The following FNBP1 variants were observed in gnomAD, a reference collection of about 807,000 sequenced individuals.
The protein encoded by FNBP1 is formin binding protein 1, also known as formin-binding protein 1.
FNBP1 carries 26 observed loss-of-function variants against 90.6 expected under a neutral mutation model. The ratio of observed to expected loss-of-function variants is 0.29; its 90% CI spans 0.21 to 0.40. The LOEUF is 0.40. Among genes scored for constraint, FNBP1 ranks in the 10% least tolerant of loss-of-function variants. The pLI is 1.00. For synonymous variants in FNBP1, 260 were observed against 265.2 expected (o/e 0.98, Z 0.19); for missense variants, 635 against 768.0 (o/e 0.83, Z 2.05).
intron 2 of FNBP1, among the ~76,000 whole-genome samples, chr9:129,992,692 T>TAC (rs2053376655): frequency 6.6e-6 from 1 of 150,966 alleles, no homozygotes; most frequent in African/African-American, 2.4e-5. Context: ...TAGCTGGGAT[T>TAC]ACAGGCACCC....
At chr9:130,032,761 A>T (rs1365257602) in intron 1 of FNBP1, among the ~76,000 whole-genome samples, 1 of 152,118 alleles carries the variant, frequency 6.6e-6, no homozygotes, top group African/African-American at 2.4e-5. Context: ...TTAAAGTGGT[A>T]ATAATAGCCA....
At position 129,953,068 on chromosome 9, in the gene FNBP1, A is replaced by G. The variant is rs554145186; in HGVS notation, c.513+4292T>C. ...GCCTAATAAAAATACTAGAGAATAC[A>G]TATTATTTTCAATTACTTACAGAAT... On this transcript the variant is annotated intron_variant, in intron 6 of 16. Coordinates refer to ENST00000446176, the MANE Select transcript of FNBP1 (RefSeq NM_015033.3). Among the ~76,000 whole-genome samples, 7 of 152,366 alleles carry G rather than the reference A, an allele frequency of 4.6e-5. No homozygotes were observed. The South Asian group carries it at 1.0e-3, about 23-fold the overall frequency.
chr9:129,932,445 T>C (rs1328204223), intron 6 of FNBP1, among the ~76,000 whole-genome samples: 4 of 152,160 alleles, frequency 2.6e-5, no homozygotes, highest in Non-Finnish European at 4.4e-5. Flanking sequence ...AACCTGAATT[T>C]CACTTCACAC....
At chr9:129,984,927 T>G (rs1004848618) in intron 2 of FNBP1, among the ~76,000 whole-genome samples, 5 of 152,114 alleles carry the variant, frequency 3.3e-5, no homozygotes, top group African/African-American at 1.2e-4. Flanking sequence ...CAAATTAAAC[T>G]TCTTTTTCTT....
At chr9:129,903,068 T>C (rs1343158113) in intron 12 of FNBP1, 67 bp from the exon 13 acceptor site, 4 of 1,471,434 alleles carry the variant, frequency 2.7e-6, no homozygotes, top group South Asian at 1.2e-5. Context: ...GTTTCACTCT[T>C]GTCACCCAGG....
At chr9:130,004,923 A>C (rs1286475805) in intron 1 of FNBP1, among the ~76,000 whole-genome samples, 1 of 151,984 alleles carries the variant, frequency 6.6e-6, no homozygotes, top group Non-Finnish European at 1.5e-5. Context: ...AAAATTAGCC[A>C]TGCATGGTGG....
intron 10 of FNBP1, among the ~76,000 whole-genome samples, chr9:129,920,154 C>T (rs368789899): frequency 1.0e-3 from 158 of 152,220 alleles, no homozygotes; most frequent in African/African-American, 3.6e-3. Flanking sequence ...ATAAACACAT[C>T]ATTTGGGAAA....
intron 10 of FNBP1, among the ~76,000 whole-genome samples, chr9:129,922,534 G>A (rs1012579959): frequency 6.6e-5 from 10 of 152,182 alleles, no homozygotes; most frequent in Non-Finnish European, 1.0e-4. Flanking sequence ...GTACTACCTG[G>A]GCTTCATAGG....
At chr9:129,934,286 T>G (rs920922910) in intron 6 of FNBP1, among the ~76,000 whole-genome samples, 20 of 152,228 alleles carry the variant, frequency 1.3e-4, no homozygotes, top group African/African-American at 4.6e-4. Context: ...CACTGCATCT[T>G]ACAGCAATAT....
chr9:129,971,549 C>A (rs2049453910), intron 4 of FNBP1, among the ~76,000 whole-genome samples: 1 of 152,124 alleles, frequency 6.6e-6, no homozygotes, highest in African/African-American at 2.4e-5. Flanking sequence ...TGCCACCACG[C>A]CTGGTTAATT....
chr9:130,002,282 T>C (rs2054979162), intron 1 of FNBP1, among the ~76,000 whole-genome samples: 1 of 152,216 alleles, frequency 6.6e-6, no homozygotes, highest in African/African-American at 2.4e-5. Context: ...AAATAATGTT[T>C]ATTTTATAGG....
chr9:129,985,851 G>T (rs566953758), intron 2 of FNBP1, among the ~76,000 whole-genome samples: 2 of 151,734 alleles, frequency 1.3e-5, no homozygotes, highest in East Asian at 3.9e-4. Flanking sequence ...AATCCCAGCT[G>T]CTCGGAAGTC....
At chr9:130,015,601 T>C (rs543978165) in intron 1 of FNBP1, among the ~76,000 whole-genome samples, 1 of 152,350 alleles carries the variant, frequency 6.6e-6, no homozygotes, top group African/African-American at 2.4e-5. Flanking sequence ...TGACTAGGAC[T>C]GAATACTACC....
At chr9:129,976,366 G>A (rs1421946576) in intron 4 of FNBP1, among the ~76,000 whole-genome samples, 1 of 152,172 alleles carries the variant, frequency 6.6e-6, no homozygotes, top group Non-Finnish European at 1.5e-5. Flanking sequence ...TGTGGCTGGA[G>A]TAGGGAGTAA....
At chr9:129,903,381 T>G (rs1778685087) in intron 12 of FNBP1, among the ~76,000 whole-genome samples, 1 of 152,124 alleles carries the variant, frequency 6.6e-6, no homozygotes, top group South Asian at 2.1e-4. Flanking sequence ...GCCAATATTC[T>G]ACCACTTTGA....
chr9:130,018,884 C>T (rs1241974024), intron 1 of FNBP1, among the ~76,000 whole-genome samples: 4 of 151,990 alleles, frequency 2.6e-5, no homozygotes, highest in African/African-American at 4.8e-5. Flanking sequence ...TTTAAGCAAG[C>T]AAGAATCATC....
chr9:130,031,339 G>A lies in FNBP1; in HGVS notation c.24+11613C>T, dbSNP rs192330238. Reference sequence around the variant, plus strand: ...TCAGCAGTTCAAGGGTATTTCCCATGCTCTCAAGGTGAGGTCATAGTCCTC... The same window carrying A: ...TCAGCAGTTCAAGGGTATTTCCCATACTCTCAAGGTGAGGTCATAGTCCTC... On this transcript the variant is annotated intron_variant, in intron 1 of 16. Coordinates refer to ENST00000446176, the MANE Select transcript of FNBP1 (RefSeq NM_015033.3). The surrounding 1 kb of genome is among the most constrained non-coding windows in gnomAD (Gnocchi z 4.2). 5.3e-5 allele frequency among the ~76,000 whole-genome samples: 8 copies of A among 152,330 alleles called. No homozygotes were observed. The highest frequency in any genetic ancestry group is 1.3e-4 in the Admixed American group (2 of 15,300).
intron 4 of FNBP1, 119 bp from the exon 5 acceptor site, chr9:129,958,672 C>A: frequency 1.3e-6 from 1 of 787,084 alleles, no homozygotes; most frequent in Non-Finnish European, 2.1e-6. Context: ...ATGTATGCTC[C>A]AAAGAAATTT....
chr9:130,017,622 G>C (rs1194337222), intron 1 of FNBP1, among the ~76,000 whole-genome samples: 1 of 151,994 alleles, frequency 6.6e-6, no homozygotes, highest in Admixed American at 6.6e-5. Context: ...TTGAGGTTGG[G>C]AGTTCAAGAC....
Sources: allele counts gnomAD v4.1 joint callset (sites outside exome capture counted in the v4.1 genomes callset), GRCh38; gene constraint gnomAD v4.1.1; non-coding constraint Gnocchi (gnomAD v3.1); transcripts MANE v1.5; gene names NCBI Gene and HGNC (gene_info 2026-07-23, HGNC 2026-07-21).